Variants in AHCYL2 observed in about 807,000 individuals in gnomAD.
AHCYL2 encodes the protein S-adenosylhomocysteine hydrolase-like protein 2.
Under a neutral mutation model 81.4 loss-of-function variants are expected in AHCYL2, and 28 were observed. The ratio of observed to expected loss-of-function variants is 0.34; its 90% confidence interval spans 0.25 to 0.47. The LOEUF is 0.47. AHCYL2 is among the 20% of genes least tolerant of loss of function. The probability of loss-of-function intolerance (pLI) is 1.00; values close to 1 mark genes in which losing one functional copy is unlikely to be tolerated. For missense variants in AHCYL2, 551 were observed against 785.1 expected (o/e 0.70, Z 3.56); for synonymous variants, 272 against 290.2 (o/e 0.94, Z 0.64).
intron 1 of AHCYL2, among the ~76,000 whole-genome samples, chr7:129,371,845 T>C (rs557137069): frequency 6.6e-6 from 1 of 152,320 alleles, no homozygotes; most frequent in African/African-American, 2.4e-5. Context: ...AGTAATCCTT[T>C]TCATAGGTAA....
rs1794197895 is a variant in AHCYL2, at chr7:129,368,229, C to T, written c.364-11409C>T. The T allele has an allele frequency of 7.5e-7, 1 of 1,327,880 alleles. No homozygotes were observed. Among genetic ancestry groups the T allele is most frequent in the South Asian group, 1.9e-5 (1 of 52,802 alleles). The allele number at this position is 1,327,880 out of a possible 1,614,324, so 82.3% of individuals were successfully genotyped here. ...GAGTGCCCTGTGAGAAGCACAGTGC[C>T]TGGGTGCAGCACTTTGCATCAGCTC... is the stretch of plus-strand genomic sequence containing the variant. On this transcript the variant is annotated intron_variant, in intron 1 of 16. Coordinates refer to ENST00000325006, the MANE Select transcript of AHCYL2 (RefSeq NM_015328.4). The surrounding 1 kb of genome is among the most constrained non-coding windows in gnomAD (Gnocchi z 4.4).
intron 1 of AHCYL2, among the ~76,000 whole-genome samples, chr7:129,351,002 C>T (rs1793544398): frequency 6.6e-6 from 1 of 152,118 alleles, no homozygotes; most frequent in Non-Finnish European, 1.5e-5. Flanking sequence ...CCGCGCCCGG[C>T]CCCGGCCTAA....
intron 1 of AHCYL2, among the ~76,000 whole-genome samples, chr7:129,292,023 C>A (rs1253846642): frequency 6.6e-6 from 1 of 151,950 alleles, no homozygotes; most frequent in Admixed American, 6.6e-5. Context: ...GGTATTAAGA[C>A]AAACAATTAT....
intron 1 of AHCYL2, among the ~76,000 whole-genome samples, chr7:129,326,787 C>T (rs565018440): frequency 3.9e-5 from 6 of 152,064 alleles, no homozygotes; most frequent in African/African-American, 4.8e-5. Flanking sequence ...GGAGAGAAAC[C>T]GAGGGTAGCT....
At chr7:129,265,004 A>T (rs1440593270) in intron 1 of AHCYL2, among the ~76,000 whole-genome samples, 1 of 152,226 alleles carries the variant, frequency 6.6e-6, no homozygotes, top group East Asian at 1.9e-4. Context: ...TTAGATTCTA[A>T]CTTGAGTAAG....
Position 129,275,931 on chromosome 7 carries a change from G to T in AHCYL2, c.363+50492G>T, listed in dbSNP as rs113709789. On this transcript the variant is annotated intron_variant, in intron 1 of 16. Coordinates refer to ENST00000325006, the MANE Select transcript of AHCYL2 (RefSeq NM_015328.4). ...ACCAAGCCCCACGCTTAATAGATGA[G>T]AATATACATTCTTTTTAGGGAGTTT... is the stretch of plus-strand genomic sequence containing the variant. Among the ~76,000 whole-genome samples, 983 of 152,124 alleles carry T rather than the reference G, an allele frequency of 6.5e-3. 11 individuals carry two copies. The highest frequency in any genetic ancestry group is 0.022 in the African/African-American group (934 of 41,522).
intron 4 of AHCYL2, among the ~76,000 whole-genome samples, chr7:129,396,871 G>A (rs368987117): frequency 7.9e-5 from 12 of 152,184 alleles, no homozygotes; most frequent in East Asian, 1.9e-4. Context: ...TTTTCCTGTC[G>A]TTAAGGTGGG....
At chr7:129,229,595 C>T (rs961994547) in intron 1 of AHCYL2, among the ~76,000 whole-genome samples, 1 of 152,148 alleles carries the variant, frequency 6.6e-6, no homozygotes, top group Non-Finnish European at 1.5e-5. Flanking sequence ...TTCTTAGATG[C>T]TGAGTTCTTG....
rs1005196831 is a variant in AHCYL2 at position 129,321,747 on chromosome 7, T to G, written c.364-57891T>G. 3.9e-5 allele frequency among the ~76,000 whole-genome samples: 5 copies of G among 129,552 alleles called. No individual in the cohort carries two copies. In the South Asian group the frequency reaches 6.6e-4, roughly 17 times the overall value. 85.0% of individuals were successfully genotyped at this position (129,552 alleles called of 152,430 possible). On this transcript the variant is annotated intron_variant, in intron 1 of 16. Transcript: ENST00000325006. ...TGGAATTTGTATTCTTTCTTTGTTT[T>G]TTTTTTTTTTTTTTTTTGGTCTTGG...
intron 1 of AHCYL2, among the ~76,000 whole-genome samples, chr7:129,340,349 C>T (rs1158653389): frequency 6.6e-6 from 1 of 151,058 alleles, no homozygotes; most frequent in East Asian, 2.0e-4. Context: ...GGGCGGATCA[C>T]GAGGTCAGGA....
chr7:129,260,526 T>C (rs1273019504), intron 1 of AHCYL2, among the ~76,000 whole-genome samples: 3 of 152,202 alleles, frequency 2.0e-5, no homozygotes, highest in Non-Finnish European at 4.4e-5. Flanking sequence ...AGGCCATTAC[T>C]ACCATCCTGG....
At chr7:129,373,494 G>C (rs1427661945) in intron 1 of AHCYL2, among the ~76,000 whole-genome samples, 9 of 151,982 alleles carry the variant, frequency 5.9e-5, no homozygotes, top group Non-Finnish European at 1.2e-4. Flanking sequence ...CAGCTACTCG[G>C]GAGACTGAGG....
chr7:129,426,904 A>G lies in AHCYL2; in HGVS notation c.1830-135A>G. 3.5e-6 allele frequency: 3 copies of G among 852,906 alleles called. No individual in the cohort carries two copies. Among genetic ancestry groups the G allele is most frequent in the Non-Finnish European group, 5.6e-6 (3 of 536,204 alleles). The allele number at this position is 852,906 out of a possible 1,614,324, so 52.8% of individuals were successfully genotyped here. ...GCCTTTTTCAATGATGTGAAAAGGAAACACAGTTATTTCCTGTCACTGTAC... is the reference window on the plus strand; with the variant it reads ...GCCTTTTTCAATGATGTGAAAAGGAGACACAGTTATTTCCTGTCACTGTAC... On this transcript the variant is annotated intron_variant, in intron 16 of 16. Transcript: ENST00000325006. The surrounding 1 kb of genome is among the most constrained non-coding windows in gnomAD (Gnocchi z 4.3).
At chr7:129,261,312 C>T (rs899201604) in intron 1 of AHCYL2, among the ~76,000 whole-genome samples, 2 of 152,208 alleles carry the variant, frequency 1.3e-5, no homozygotes, top group South Asian at 4.1e-4. Context: ...TTTAAATCTT[C>T]ACAATATTGA....
chr7:129,225,871 G>T (rs922613220), intron 1 of AHCYL2, among the ~76,000 whole-genome samples: 1 of 152,202 alleles, frequency 6.6e-6, no homozygotes, highest in African/African-American at 2.4e-5. Flanking sequence ...AACGAGTAAG[G>T]TGTAGTCACC....
chr7:129,298,767 TTG>T (rs1018405276), intron 1 of AHCYL2, among the ~76,000 whole-genome samples: 15 of 152,234 alleles, frequency 9.9e-5, no homozygotes. Flanking sequence ...TGTTTAAGCT[TTG>T]TTATTTATAA....
At chr7:129,227,507 T>G (rs1331230259) in intron 1 of AHCYL2, among the ~76,000 whole-genome samples, 1 of 139,750 alleles carries the variant, frequency 7.2e-6, no homozygotes, top group Non-Finnish European at 1.5e-5. Context: ...GTGCCTATAG[T>G]CCCAGCTACT....
intron 1 of AHCYL2, among the ~76,000 whole-genome samples, chr7:129,277,681 G>T (rs1295647322): frequency 6.6e-6 from 1 of 152,184 alleles, no homozygotes; most frequent in Admixed American, 6.5e-5. Context: ...GAATCAAGTA[G>T]TATGTACTCT....
intron 1 of AHCYL2, among the ~76,000 whole-genome samples, chr7:129,302,770 G>A (rs943805800): frequency 6.6e-6 from 1 of 152,056 alleles, no homozygotes; most frequent in African/African-American, 2.4e-5. Flanking sequence ...GTTAGTATTT[G>A]TTGAGGATTT....
Sources: allele counts gnomAD v4.1 joint callset (sites outside exome capture counted in the v4.1 genomes callset), GRCh38; gene constraint gnomAD v4.1.1; non-coding constraint Gnocchi (gnomAD v3.1); transcripts MANE v1.5; gene names NCBI Gene and HGNC (gene_info 2026-07-23, HGNC 2026-07-21).